The following PPP1R12B variants were observed in gnomAD, a reference collection of about 807,000 sequenced individuals.
PPP1R12B encodes the protein myosin phosphatase target subunit 2.
Under a neutral mutation model 126.1 loss-of-function variants are expected in PPP1R12B, and 76 were observed. The ratio of observed to expected loss-of-function variants is 0.60; its 90% confidence interval spans 0.50 to 0.73. The LOEUF (loss-of-function observed/expected upper bound fraction) is 0.73. Ranked by LOEUF, PPP1R12B falls within the 30% of genes least tolerant of loss-of-function variation. PPP1R12B has a pLI of 0.00. For missense variants in PPP1R12B, 1,052 were observed against 1,205.1 expected (o/e 0.87, Z 1.88); for synonymous variants, 356 against 434.7 (o/e 0.82, Z 2.25).
chr1:202,501,244 T>G (rs1160152032), intron 18 of PPP1R12B, among the ~76,000 whole-genome samples: 1 of 152,206 alleles, frequency 6.6e-6, no homozygotes, highest in Non-Finnish European at 1.5e-5. Context: ...TGTTTGCTGT[T>G]TTCTTTACTA....
At chr1:202,571,674 T>C (rs1049170375) in intron 23 of PPP1R12B, among the ~76,000 whole-genome samples, 13 of 152,334 alleles carry the variant, frequency 8.5e-5, no homozygotes, top group African/African-American at 2.9e-4. Flanking sequence ...CCAGGTGGTC[T>C]CGAACTCCTG....
Position 202,562,771 on chromosome 1 carries a change from C to T in PPP1R12B, c.2508-7C>T. 6.2e-7 allele frequency: 1 copy of T among 1,609,498 alleles called. No homozygotes were observed. The highest frequency in any genetic ancestry group is 8.5e-7 in the Non-Finnish European group (1 of 1,176,566). The stretch of plus-strand genomic sequence containing the variant: ...CCAATTTTTATCTTTAATATTATCT[C>T]CCACAGGTTGGAATCGGGAGGTAGT... On this transcript the variant is annotated splice_polypyrimidine_tract_variant and splice_region_variant and intron_variant, in intron 19 of 23. Transcript: ENST00000608999.
intron 1 of PPP1R12B, among the ~76,000 whole-genome samples, chr1:202,406,382 A>G (rs1666604525): frequency 6.6e-6 from 1 of 152,252 alleles, no homozygotes; most frequent in Non-Finnish European, 1.5e-5. Flanking sequence ...AACCAACTCA[A>G]ATTGACCAAT....
At chr1:202,439,173 C>T (rs887508059) in intron 10 of PPP1R12B, 14 of 1,572,818 alleles carry the variant, frequency 8.9e-6, no homozygotes, top group South Asian at 5.5e-5. Flanking sequence ...CTGGCGGCCT[C>T]GCAGCTGAAG....
chr1:202,537,572 TA>T (rs1157897066), intron 18 of PPP1R12B, among the ~76,000 whole-genome samples: 1 of 152,194 alleles, frequency 6.6e-6, no homozygotes, highest in Non-Finnish European at 1.5e-5. Flanking sequence ...TTGTCATTGT[TA>T]CTACTTCCTA....
chr1:202,564,493 G>T lies in PPP1R12B; in HGVS notation c.2703G>T (p.Gln901His). The T allele has an allele frequency of 6.2e-7, 1 of 1,612,876 alleles. No individual in the cohort carries two copies. Among genetic ancestry groups the T allele is most frequent in the South Asian group, 1.1e-5 (1 of 91,066 alleles). ...ACCAAAAACTGAAAACAAAACTTCA[G>T]GAAGCCCAGCTAGAGCTAGCAGATA... Reference protein sequence around the residue: ...TENQKLKTKLQEAQLELADIK... With the variant: ...TENQKLKTKLHEAQLELADIK... The change falls in exon 21 of 24, where the codon CAG becomes CAT. Residue 901 changes from glutamine to histidine, a missense_variant. Gln to His is a conservative substitution (Grantham distance 24). Coordinates refer to ENST00000608999, the MANE Select transcript of PPP1R12B (RefSeq NM_002481.4).
intron 18 of PPP1R12B, among the ~76,000 whole-genome samples, chr1:202,510,538 G>T (rs1681332875): frequency 6.6e-6 from 1 of 152,170 alleles, no homozygotes; most frequent in Non-Finnish European, 1.5e-5. Flanking sequence ...AGGATTAACT[G>T]TAGCACACTA....
chr1:202,579,191 A>G (rs919135483), intron 23 of PPP1R12B, among the ~76,000 whole-genome samples: 4 of 152,350 alleles, frequency 2.6e-5, no homozygotes, highest in South Asian at 2.1e-4. Context: ...ACATATATTT[A>G]TATAATTTAA....
chr1:202,549,859 C>CAT (rs1686135376), intron 18 of PPP1R12B, among the ~76,000 whole-genome samples: 1 of 152,116 alleles, frequency 6.6e-6, no homozygotes, highest in South Asian at 2.1e-4. Context: ...AGGCTGGGCA[C>CAT]ATACAGGTGC....
At chr1:202,375,636 T>G (rs1462500292) in intron 1 of PPP1R12B, among the ~76,000 whole-genome samples, 1 of 152,220 alleles carries the variant, frequency 6.6e-6, no homozygotes, top group African/African-American at 2.4e-5. Flanking sequence ...TAATCATAGC[T>G]CACTGTAACT....
chr1:202,438,531 C>T (rs527248890), intron 10 of PPP1R12B: 2 of 412,832 alleles, frequency 4.8e-6, no homozygotes, highest in Non-Finnish European at 4.6e-6. Context: ...AAGAGCTGCC[C>T]CCGCTGGGCA....
chr1:202,459,919 T>C (rs1358439477), intron 13 of PPP1R12B, among the ~76,000 whole-genome samples: 1 of 152,186 alleles, frequency 6.6e-6, no homozygotes, highest in African/African-American at 2.4e-5. Context: ...ATAAAGGGAC[T>C]GATTTGACAG....
intron 18 of PPP1R12B, among the ~76,000 whole-genome samples, chr1:202,557,349 GA>G (rs1485933991): frequency 2.0e-5 from 3 of 151,154 alleles, no homozygotes; most frequent in East Asian, 1.9e-4. Context: ...AAGATATCAA[GA>G]AAAAAAAACT....
intron 23 of PPP1R12B, chr1:202,576,316 G>C (rs569171646): frequency 3.7e-4 from 57 of 152,258 alleles, no homozygotes; most frequent in African/African-American, 1.3e-3. Flanking sequence ...TGGTATGATG[G>C]GGTCACCACT....
Position 202,580,661 on chromosome 1 carries a change from G to T in PPP1R12B, c.*101G>T. 1 of 957,844 alleles carries T rather than the reference G, an allele frequency of 1.0e-6. No individual in the cohort carries two copies. Among genetic ancestry groups the T allele is most frequent in the Non-Finnish European group, 1.7e-6 (1 of 601,392 alleles). 59.3% of individuals were successfully genotyped at this position (957,844 alleles called of 1,614,324 possible). A position where few individuals can be genotyped will look rare whatever the true frequency, so the allele number is the denominator to read the frequency against. On this transcript the variant is annotated 3_prime_UTR_variant, in exon 24 of 24. Transcript: ENST00000608999. ...CCAACCAAAAGAAATGGATGTTTTG[G>T]TGGAAGGACACTTCTTTCTATCACC...
intron 11 of PPP1R12B, 125 bp downstream of exon 11, chr1:202,440,913 T>C (rs1427008958): frequency 2.7e-6 from 2 of 732,058 alleles, no homozygotes; most frequent in African/African-American, 1.8e-5. Flanking sequence ...GAATTGTTTA[T>C]TCCTTCTGCT....
chr1:202,458,969 G>T (rs1168547547), intron 13 of PPP1R12B, among the ~76,000 whole-genome samples: 1 of 152,218 alleles, frequency 6.6e-6, no homozygotes, highest in Non-Finnish European at 1.5e-5. Flanking sequence ...AAGCACTTCA[G>T]TTGGGGAGTG....
At chr1:202,401,896 T>TCTA (rs1665898422) in intron 1 of PPP1R12B, among the ~76,000 whole-genome samples, 1 of 151,738 alleles carries the variant, frequency 6.6e-6, no homozygotes, top group African/African-American at 2.4e-5. Flanking sequence ...TTGAGACAGA[T>TCTA]TGAAAGCAAG....
chr1:202,402,880 G>A (rs1241560462), intron 1 of PPP1R12B, among the ~76,000 whole-genome samples: 11 of 152,156 alleles, frequency 7.2e-5, no homozygotes, highest in Admixed American at 7.2e-4. Context: ...CTGTAAAGAG[G>A]TATTTAACTC....
Sources: gnomAD v4.1 joint callset for allele counts (sites outside exome capture counted in the v4.1 genomes callset) on GRCh38, gnomAD v4.1.1 for gene constraint, MANE v1.5 for transcripts, NCBI Gene and HGNC (gene_info 2026-07-23, HGNC 2026-07-21) for gene names.